PEAK1: variants seen among roughly 807,000 people sequenced by gnomAD.
The protein encoded by PEAK1 is inactive tyrosine-protein kinase PEAK1.
In PEAK1, 54 loss-of-function variants were observed where a neutral mutation model predicts 124.7. The observed-to-expected ratio is 0.43, with a 90% CI of 0.35 to 0.54. The LOEUF is 0.54. Among genes scored for constraint, PEAK1 ranks in the 20% least tolerant of loss-of-function variants. The pLI, the probability that PEAK1 is intolerant of heterozygous loss-of-function variation, is 0.01. For missense variants in PEAK1, 2,046 were observed against 2,134.5 expected (o/e 0.96, Z 0.82); for synonymous variants, 719 against 760.0 (o/e 0.95, Z 0.89).
At chr15:77,408,552 ACAG>A (rs2072130701) in intron 1 of PEAK1, among the ~76,000 whole-genome samples, 1 of 150,612 alleles carries the variant, frequency 6.6e-6, no homozygotes, top group Non-Finnish European at 1.5e-5. Flanking sequence ...AAAAAAAAAA[ACAG>A]TCTAGGAATA....
intron 5 of PEAK1, among the ~76,000 whole-genome samples, chr15:77,262,042 T>C (rs2061468410): frequency 6.6e-6 from 1 of 152,084 alleles, no homozygotes; most frequent in Non-Finnish European, 1.5e-5. Flanking sequence ...TAAAATACTT[T>C]ACAGACAAGC....
intron 8 of PEAK1, among the ~76,000 whole-genome samples, chr15:77,135,471 G>A (rs1412970248): frequency 2.0e-5 from 3 of 152,156 alleles, no homozygotes; most frequent in African/African-American, 7.2e-5. Flanking sequence ...ACACACCTAG[G>A]CCATATGGTA....
At chr15:77,357,904 C>A (rs879466227) in intron 2 of PEAK1, among the ~76,000 whole-genome samples, 5 of 152,098 alleles carry the variant, frequency 3.3e-5, no homozygotes, top group Non-Finnish European at 7.4e-5. Context: ...TTATTCCAAA[C>A]CTTTACCACT....
At chr15:77,162,126 C>T (rs2055702762) in intron 7 of PEAK1, among the ~76,000 whole-genome samples, 1 of 151,724 alleles carries the variant, frequency 6.6e-6, no homozygotes, top group Non-Finnish European at 1.5e-5. Context: ...ACAACATAAA[C>T]AGACAAATCA....
At chr15:77,163,875 C>T (rs551261085) in intron 7 of PEAK1, among the ~76,000 whole-genome samples, 20 of 152,118 alleles carry the variant, frequency 1.3e-4, no homozygotes, top group Non-Finnish European at 2.1e-4. Flanking sequence ...CCTTTTACCC[C>T]GAAAAATCAG....
intron 8 of PEAK1, among the ~76,000 whole-genome samples, chr15:77,152,780 C>A (rs2054768294): frequency 6.6e-6 from 1 of 152,002 alleles, no homozygotes; most frequent in Non-Finnish European, 1.5e-5. Context: ...TGTTTATATG[C>A]TGGATTACAT....
chr15:77,185,364 C>T (rs1323931143), intron 6 of PEAK1, among the ~76,000 whole-genome samples: 3 of 152,138 alleles, frequency 2.0e-5, no homozygotes, highest in Non-Finnish European at 4.4e-5. Flanking sequence ...AAATAGTGAG[C>T]TGAGGAGGTG....
chr15:77,237,423 A>G (rs535026741), intron 6 of PEAK1, among the ~76,000 whole-genome samples: 1 of 142,054 alleles, frequency 7.0e-6, no homozygotes, highest in Non-Finnish European at 1.6e-5. Context: ...TATTCCTGCT[A>G]TTTAAACTTT....
chr15:77,257,118 G>A (rs1271450581), intron 5 of PEAK1, among the ~76,000 whole-genome samples: 3 of 152,028 alleles, frequency 2.0e-5, no homozygotes, highest in Non-Finnish European at 4.4e-5. Flanking sequence ...TCTTAATCCA[G>A]TCTATCATTG....
At position 77,181,708 on chromosome 15, in the gene PEAK1, C is replaced by T. The variant is rs770343550; in HGVS notation, c.219G>A (p.Val73=). The T allele has an allele frequency of 1.9e-6, 3 of 1,614,090 alleles. No individual in the cohort carries two copies. The highest frequency in any genetic ancestry group is 3.3e-4 in the Middle Eastern group (2 of 6,060). ...PPVAKKPTIA[V]KPTMIVADGQ... ...CATCTGCCACTATCATAGTGGGCTT[C>T]ACAGCTATAGTGGGTTTTTTAGCCA... Residue 73 remains valine (V), a synonymous_variant, in exon 7 of 10, where the codon GTG becomes GTA. Transcript: ENST00000682557.
chr15:77,135,939 A>G (rs1044779961), intron 8 of PEAK1, among the ~76,000 whole-genome samples: 4 of 152,180 alleles, frequency 2.6e-5, no homozygotes, highest in African/African-American at 7.2e-5. Flanking sequence ...GTACCAGTAG[A>G]GTGGGGTGTT....
At chr15:77,168,237 G>GCGCACACACACACACA (rs1555428545) in intron 7 of PEAK1, among the ~76,000 whole-genome samples, 1 of 147,178 alleles carries the variant, frequency 6.8e-6, no homozygotes, top group Non-Finnish European at 1.5e-5. Context: ...ATGTGCGCGC[G>GCGCACACACACACACA]CACACACACA....
intron 1 of PEAK1, among the ~76,000 whole-genome samples, chr15:77,367,378 T>C (rs2068323629): frequency 6.6e-6 from 1 of 152,170 alleles, no homozygotes; most frequent in East Asian, 1.9e-4. Context: ...CCAAAGGTTG[T>C]ATGAAAGAAT....
At chr15:77,202,541 C>T (rs769969618) in intron 6 of PEAK1, among the ~76,000 whole-genome samples, 5 of 151,860 alleles carry the variant, frequency 3.3e-5, no homozygotes, top group African/African-American at 4.8e-5. Flanking sequence ...CCGAGGTGGG[C>T]GGATCACGAG....
chr15:77,140,232 C>T (rs2053665166), intron 8 of PEAK1, among the ~76,000 whole-genome samples: 1 of 152,136 alleles, frequency 6.6e-6, no homozygotes, highest in African/African-American at 2.4e-5. Flanking sequence ...AGGAATGCTT[C>T]CCAACTTGAA....
intron 7 of PEAK1, among the ~76,000 whole-genome samples, chr15:77,166,375 T>C (rs1270215651): frequency 6.6e-6 from 1 of 152,254 alleles, no homozygotes; most frequent in African/African-American, 2.4e-5. Context: ...ATGTGCCTGT[T>C]TTAAGCCATG....
At chr15:77,339,187 T>C (rs994638229) in intron 2 of PEAK1, among the ~76,000 whole-genome samples, 2 of 151,784 alleles carry the variant, frequency 1.3e-5, no homozygotes, top group African/African-American at 2.4e-5. Context: ...CATGCCTCAC[T>C]GCAGCCTCAA....
intron 2 of PEAK1, among the ~76,000 whole-genome samples, chr15:77,303,232 T>G (rs1042196774): frequency 6.6e-6 from 1 of 152,230 alleles, no homozygotes; most frequent in African/African-American, 2.4e-5. Flanking sequence ...TGTGTACAGG[T>G]CTTGTGTGAA....
At chr15:77,382,700 CTT>C (rs997869308) in intron 1 of PEAK1, among the ~76,000 whole-genome samples, 39 of 152,138 alleles carry the variant, frequency 2.6e-4, no homozygotes, top group African/African-American at 9.4e-4. Flanking sequence ...TTTTCTTTCT[CTT>C]CTTTTTCTTC....
Sources: allele counts gnomAD v4.1 joint callset (sites outside exome capture counted in the v4.1 genomes callset), GRCh38; gene constraint gnomAD v4.1.1; transcripts MANE v1.5; gene names NCBI Gene and HGNC (gene_info 2026-07-23, HGNC 2026-07-21).